The following FRMPD3 variants were observed in gnomAD, a reference collection of about 807,000 sequenced individuals.
FRMPD3 encodes FERM and PDZ domain containing 3.
In FRMPD3, 42 loss-of-function variants were observed where a neutral mutation model predicts 97.9. That is an observed-to-expected ratio of 0.43 (90% CI 0.34 to 0.55). FRMPD3 has a LOEUF of 0.55. FRMPD3 is among the 20% of genes least tolerant of loss of function. FRMPD3 has a pLI of 0.03. For missense variants in FRMPD3, 1,303 were observed against 1,457.7 expected, an observed-to-expected ratio of 0.89 and a Z score of 1.73; for synonymous variants, 577 against 581.1, an observed-to-expected ratio of 0.99 and a Z score of 0.10.
chrX:107,498,384 G>A (rs1190536560), intron 1 of FRMPD3, among the ~76,000 whole-genome samples: 7 of 111,971 alleles, frequency 6.3e-5, no homozygotes, highest in African/African-American at 2.3e-4. Flanking sequence ...AACAGAGGTG[G>A]CAGGATTGCT....
chrX:107,510,786 G>A (rs1439511928), intron 1 of FRMPD3, among the ~76,000 whole-genome samples: 2 of 112,285 alleles, frequency 1.8e-5, no homozygotes, highest in Non-Finnish European at 3.8e-5. Context: ...GGTGACATGA[G>A]TTTACCAGGC....
At chrX:107,545,578 C>T (rs1035032581) in intron 4 of FRMPD3, 159 bp from the exon 5 acceptor site, 13 of 427,247 alleles carry the variant, frequency 3.0e-5, no homozygotes, top group South Asian at 7.5e-5. Context: ...AAGCATTTAG[C>T]ACATTGCCTT....
At chrX:107,559,374 A>G (rs750859476) in intron 8 of FRMPD3, among the ~76,000 whole-genome samples, 3 of 112,027 alleles carry the variant, frequency 2.7e-5, no homozygotes, top group Non-Finnish European at 5.6e-5. Flanking sequence ...CATTTTATAT[A>G]AAGGACTTAA....
At chrX:107,517,063 A>G (rs1253314898) in intron 1 of FRMPD3, among the ~76,000 whole-genome samples, 1 of 111,958 alleles carries the variant, frequency 8.9e-6, no homozygotes, top group Non-Finnish European at 1.9e-5. Context: ...ATAAGGTGTA[A>G]GGAAGGGATC....
intron 8 of FRMPD3, among the ~76,000 whole-genome samples, chrX:107,557,225 A>G (rs1922118627): frequency 9.1e-6 from 1 of 109,682 alleles, no homozygotes; most frequent in African/African-American, 3.3e-5. Flanking sequence ...ATGACTAATG[A>G]TGTTGAGCAT....
intron 8 of FRMPD3, among the ~76,000 whole-genome samples, chrX:107,557,664 C>CGTGT (rs760760257): frequency 0.017 from 1,510 of 87,123 alleles, 33 homozygotes; most frequent in African/African-American, 0.061. Flanking sequence ...ATCAAAGTTT[C>CGTGT]GTGTGTGTGT....
chrX:107,464,054 A>G (rs1485813990), intron 1 of FRMPD3, among the ~76,000 whole-genome samples: 1 of 111,755 alleles, frequency 8.9e-6, no homozygotes, highest in African/African-American at 3.3e-5. Flanking sequence ...TCTCAGTGAC[A>G]TAGACAAAAA....
chrX:107,516,746 G>C (rs1057367235), intron 1 of FRMPD3, among the ~76,000 whole-genome samples: 1 of 107,770 alleles, frequency 9.3e-6, no homozygotes, highest in African/African-American at 3.4e-5. Flanking sequence ...TTGTAAATTT[G>C]TTTGAGTTCT....
chrX:107,550,333 G>A (rs1339459834), intron 6 of FRMPD3, among the ~76,000 whole-genome samples, 177 bp downstream of exon 6: 1 of 111,855 alleles, frequency 8.9e-6, no homozygotes, highest in Admixed American at 9.5e-5. Flanking sequence ...GATGAGAGTG[G>A]TGGTAGAAGT....
intron 1 of FRMPD3, among the ~76,000 whole-genome samples, chrX:107,452,613 C>T (rs1414181767): frequency 9.0e-6 from 1 of 111,683 alleles, no homozygotes; most frequent in Non-Finnish European, 1.9e-5. Flanking sequence ...CCAACATAAG[C>T]TCGTGATGCT....
At chrX:107,506,922 G>A (rs779915606) in intron 1 of FRMPD3, among the ~76,000 whole-genome samples, 1 of 111,870 alleles carries the variant, frequency 8.9e-6, no homozygotes, top group East Asian at 2.8e-4. Flanking sequence ...TCAGCGCTGG[G>A]CACAGCCAGG....
intron 14 of FRMPD3, among the ~76,000 whole-genome samples, chrX:107,600,062 G>A (rs972641736): frequency 1.8e-5 from 2 of 111,961 alleles, no homozygotes; most frequent in East Asian, 2.8e-4. Context: ...TATTTACATA[G>A]CATTTACATT....
rs4511000 is a variant in FRMPD3 at position 107,557,697 on chromosome X, T to G, written c.763-2560T>G. 4.5e-3 allele frequency among the ~76,000 whole-genome samples: 439 copies of G among 97,218 alleles called. 5 individuals are homozygous for G. The highest frequency in any genetic ancestry group is 0.015 in the African/African-American group (407 of 26,344). The allele number at this position is 97,218 out of a possible 115,157, so 84.4% of individuals were successfully genotyped here. A position where few individuals can be genotyped will look rare whatever the true frequency, so the allele number is the denominator to read the frequency against. On this transcript the variant is annotated intron_variant, in intron 8 of 14. Transcript: ENST00000683843. ...TGTGTGTGTGTGTGTGTGTGTGTTT[T>G]TTTTTGCATATGGATATCCAATTGT... is the stretch of plus-strand genomic sequence containing the variant.
Position 107,601,569 on chromosome X carries a change from C to T in FRMPD3, c.3530C>T (p.Ala1177Val). 1 of 1,200,278 alleles carries T rather than the reference C, an allele frequency of 8.3e-7. No individual in the cohort carries two copies. The highest frequency in any genetic ancestry group is 1.8e-5 in the South Asian group (1 of 55,480). The change falls in exon 15 of 15, where the codon GCT (alanine) becomes GTT (valine). Residue 1177 changes from alanine to valine, a missense_variant. By Grantham distance (64) the Ala-to-Val change is moderately conservative. Transcript: ENST00000683843. Reference sequence around the variant, plus strand: ...GGCCAGAGCCCACTGAGGTCTCAGGCTGCCAGCCGGCAGGTGAGCACCATG... The same window carrying T: ...GGCCAGAGCCCACTGAGGTCTCAGGTTGCCAGCCGGCAGGTGAGCACCATG... ...PRGQSPLRSQ[A>V]ASRQVSTMPS...
At chrX:107,493,966 G>A (rs937279302) in intron 1 of FRMPD3, among the ~76,000 whole-genome samples, 1 of 111,121 alleles carries the variant, frequency 9.0e-6, no homozygotes, top group African/African-American at 3.3e-5. Flanking sequence ...AGGTTTCTTG[G>A]AGATTGTCAC....
At chrX:107,450,960 C>T (rs1242032452) in intron 1 of FRMPD3, among the ~76,000 whole-genome samples, 1 of 109,102 alleles carries the variant, frequency 9.2e-6, no homozygotes, top group Admixed American at 9.7e-5. Flanking sequence ...AAAAAGCGTG[C>T]CCAACTCTGG....
chrX:107,577,366 C>T (rs1003633228), intron 13 of FRMPD3, among the ~76,000 whole-genome samples: 6 of 104,698 alleles, frequency 5.7e-5, no homozygotes, highest in Non-Finnish European at 1.2e-4. Context: ...GACCTATAGT[C>T]CCAGCTGTTT....
intron 1 of FRMPD3, among the ~76,000 whole-genome samples, chrX:107,515,215 C>G (rs1337042136): frequency 9.0e-6 from 1 of 110,977 alleles, no homozygotes; most frequent in East Asian, 2.8e-4. Context: ...TAGAGAGAGA[C>G]TAGAAGGCCT....
rs1415977782 is a variant in FRMPD3, at chrX:107,576,442, C to T, written c.1424C>T (p.Pro475Leu). 5.0e-6 allele frequency: 6 copies of T among 1,210,666 alleles called. No homozygotes were observed. The highest frequency in any genetic ancestry group is 3.4e-6 in the Non-Finnish European group (3 of 895,362). The change falls in exon 13 of 15, where the codon CCT (proline) becomes CTT (leucine). Residue 475 changes from proline (P) to leucine (L), a missense_variant. Coordinates refer to ENST00000683843, the MANE Select transcript of FRMPD3 (RefSeq NM_001388459.1). ...FSRPASQPLP[P>L]PMIKADYMHS... ...AGGCCTGCCAGCCAGCCACTTCCAC[C>T]TCCAATGATCAAGGCAGGTAGGGCT... is the stretch of plus-strand genomic sequence containing the variant.
Sources: gnomAD v4.1 joint callset for allele counts (sites outside exome capture counted in the v4.1 genomes callset) on GRCh38, gnomAD v4.1.1 for gene constraint, MANE v1.5 for transcripts, NCBI Gene and HGNC (gene_info 2026-07-23, HGNC 2026-07-21) for gene names.